Variants in SCCPDH observed in about 807,000 individuals in gnomAD.
SCCPDH encodes saccharopine dehydrogenase-like oxidoreductase.
In SCCPDH, 34 loss-of-function variants were observed where a neutral mutation model predicts 51.5. The ratio of observed to expected loss-of-function variants is 0.66; its 90% CI spans 0.50 to 0.88. SCCPDH has a LOEUF of 0.88. Ranked by LOEUF, SCCPDH falls within the 40% of genes least tolerant of loss-of-function variation. The pLI is 0.00. For synonymous variants in SCCPDH, 187 were observed against 191.3 expected (o/e 0.98, Z 0.19); for missense variants, 464 against 527.1 (o/e 0.88, Z 1.17).
At chr1:246,747,056 T>C (rs534820634) in intron 5 of SCCPDH, among the ~76,000 whole-genome samples, 214 of 152,338 alleles carry the variant, frequency 1.4e-3, no homozygotes, top group Non-Finnish European at 2.6e-3. Flanking sequence ...AAGAATCTAT[T>C]GATTCATGTA....
At position 246,744,349 on chromosome 1, in the gene SCCPDH, G is replaced by A. The variant is rs559311652; in HGVS notation, c.564+224G>A. On this transcript the variant is annotated intron_variant, in intron 5 of 11. Transcript: ENST00000366510. ...TTATTTATTTTTGAGATGGAGTTACGCTCTTGTCGCCCAGGCTGGAGTGCA... is the reference window on the plus strand; with the variant it reads ...TTATTTATTTTTGAGATGGAGTTACACTCTTGTCGCCCAGGCTGGAGTGCA... Among the ~76,000 whole-genome samples the A allele has an allele frequency of 2.4e-4, 37 of 151,498 alleles. 1 individual carries two copies. In the South Asian group the frequency reaches 7.7e-3, roughly 32 times the overall value.
At chr1:246,766,526 A>G (rs968850087) in intron 11 of SCCPDH, among the ~76,000 whole-genome samples, 1 of 152,190 alleles carries the variant, frequency 6.6e-6, no homozygotes, top group African/African-American at 2.4e-5. Flanking sequence ...CACCAGCATA[A>G]ATGGAACCAT....
At chr1:246,744,024 A>T (rs1231657335) in intron 4 of SCCPDH, 52 bp from the exon 5 acceptor site, 2 of 1,092,914 alleles carry the variant, frequency 1.8e-6, no homozygotes, top group Non-Finnish European at 2.8e-6. Flanking sequence ...CTTACCCCAA[A>T]TAATTTAGAT....
intron 2 of SCCPDH, among the ~76,000 whole-genome samples, chr1:246,734,720 G>A (rs771741919): frequency 3.4e-4 from 51 of 151,392 alleles, no homozygotes; most frequent in Non-Finnish European, 7.1e-4. Flanking sequence ...AGAAAGAAAC[G>A]ATTTCCTTGT....
Position 246,766,132 on chromosome 1 carries a change from C to T in SCCPDH, c.1177C>T (p.Pro393Ser), listed in dbSNP as rs1217639173. ...MTLLSDASHLPKAGGVFTPGA... is the reference protein window; with the variant it reads ...MTLLSDASHLSKAGGVFTPGA... Reference sequence around the variant, plus strand: ...TCTTCTAAGTGATGCTTCTCATCTGCCTAAGGCGTAAGTTTGGTTTTCTTC... The same window carrying T: ...TCTTCTAAGTGATGCTTCTCATCTGTCTAAGGCGTAAGTTTGGTTTTCTTC... The change falls in exon 11 of 12, where the codon CCT becomes TCT. Residue 393 changes from proline (P) to serine (S), a missense_variant. Physicochemically the swap from Pro to Ser is moderately conservative, Grantham distance 74. Coordinates refer to ENST00000366510, the MANE Select transcript of SCCPDH (RefSeq NM_016002.3). 1 of 1,608,688 alleles carries T rather than the reference C, an allele frequency of 6.2e-7. No homozygotes were observed. The highest frequency in any genetic ancestry group is 1.7e-5 in the Admixed American group (1 of 59,666).
At chr1:246,765,793 T>C (rs1669079406) in intron 10 of SCCPDH, among the ~76,000 whole-genome samples, 2 of 152,214 alleles carry the variant, frequency 1.3e-5, no homozygotes, top group South Asian at 4.1e-4. Context: ...TCACTTAACC[T>C]CTCTCTCTAT....
intron 1 of SCCPDH, among the ~76,000 whole-genome samples, chr1:246,724,817 G>C (rs922821700): frequency 6.6e-6 from 1 of 152,206 alleles, no homozygotes; most frequent in African/African-American, 2.4e-5. Context: ...GCGCGTGCGT[G>C]TATAATATAC....
chr1:246,753,158 T>C (rs1668880387), intron 5 of SCCPDH, among the ~76,000 whole-genome samples: 1 of 152,098 alleles, frequency 6.6e-6, no homozygotes, highest in African/African-American at 2.4e-5. Context: ...CTTTACTCTT[T>C]CATCCTCTTT....
chr1:246,766,383 A>G (rs1438268598), intron 11 of SCCPDH, among the ~76,000 whole-genome samples: 2 of 152,218 alleles, frequency 1.3e-5, no homozygotes, highest in East Asian at 3.8e-4. Context: ...GCCATGAGTT[A>G]ACTTCAGCCC....
At chr1:246,737,499 A>G (rs1220880493) in intron 3 of SCCPDH, among the ~76,000 whole-genome samples, 2 of 152,102 alleles carry the variant, frequency 1.3e-5, no homozygotes, top group East Asian at 3.9e-4. Flanking sequence ...CAAAAACAAA[A>G]AACAATTCCC....
intron 5 of SCCPDH, among the ~76,000 whole-genome samples, chr1:246,750,243 G>A (rs78693867): frequency 0.015 from 2,197 of 150,836 alleles, 52 homozygotes; most frequent in African/African-American, 0.052. Context: ...AAACTCTAGC[G>A]GGGGGGTACC....
At chr1:246,739,711 A>C (rs1668649727) in intron 3 of SCCPDH, among the ~76,000 whole-genome samples, 1 of 152,148 alleles carries the variant, frequency 6.6e-6, no homozygotes, top group South Asian at 2.1e-4. Context: ...AACTGTTTTT[A>C]AAAAGGAATT....
chr1:246,746,991 C>T (rs1668770334), intron 5 of SCCPDH, among the ~76,000 whole-genome samples: 1 of 152,184 alleles, frequency 6.6e-6, no homozygotes, highest in Non-Finnish European at 1.5e-5. Flanking sequence ...GAAAAGCATG[C>T]TTGGGACCCT....
At chr1:246,751,319 G>T (rs1177628464) in intron 5 of SCCPDH, among the ~76,000 whole-genome samples, 3 of 152,104 alleles carry the variant, frequency 2.0e-5, no homozygotes, top group Non-Finnish European at 4.4e-5. Flanking sequence ...TAAAGAACAG[G>T]TTAGTACTTT....
intron 1 of SCCPDH, among the ~76,000 whole-genome samples, chr1:246,725,080 A>G (rs1425503748): frequency 3.9e-5 from 6 of 152,110 alleles, no homozygotes; most frequent in African/African-American, 1.4e-4. Context: ...GAGCAAGCTT[A>G]CGAGTTGTAC....
intron 4 of SCCPDH, among the ~76,000 whole-genome samples, chr1:246,741,748 TTAGGAA>T (rs1382881330): frequency 5.3e-5 from 8 of 152,324 alleles, no homozygotes; most frequent in African/African-American, 1.7e-4. Flanking sequence ...TTTTACATTT[TTAGGAA>T]TAGAATAGTT....
chr1:246,728,882 C>A (rs1452148015), intron 2 of SCCPDH, among the ~76,000 whole-genome samples: 1 of 152,146 alleles, frequency 6.6e-6, no homozygotes, highest in African/African-American at 2.4e-5. Flanking sequence ...ATCGGGGGAA[C>A]CAGCCCCCAG....
intron 4 of SCCPDH, among the ~76,000 whole-genome samples, chr1:246,742,728 CT>C (rs1345532728): frequency 6.6e-6 from 1 of 152,072 alleles, no homozygotes; most frequent in Admixed American, 6.6e-5. Context: ...TTAATTTTCT[CT>C]TAGAATTAAA....
intron 6 of SCCPDH, 65 bp from the exon 7 acceptor site, chr1:246,758,969 C>G: frequency 1.1e-6 from 1 of 940,838 alleles, no homozygotes; most frequent in Admixed American, 1.7e-5. Context: ...TTTGCTTATT[C>G]AGACATTTAC....
Sources: gnomAD v4.1 joint callset for allele counts (sites outside exome capture counted in the v4.1 genomes callset) on GRCh38, gnomAD v4.1.1 for gene constraint, MANE v1.5 for transcripts, NCBI Gene and HGNC (gene_info 2026-07-23, HGNC 2026-07-21) for gene names.